Variants in MSH6 observed in about 807,000 individuals in gnomAD.
The protein encoded by MSH6 is DNA mismatch repair protein Msh6.
A neutral mutation model predicts 119.1 loss-of-function variants in MSH6; 85 were observed. The observed-to-expected ratio is 0.71, with a 90% CI of 0.60 to 0.85. The LOEUF (loss-of-function observed/expected upper bound fraction) is 0.85. Ranked by LOEUF, MSH6 falls within the 40% of genes least tolerant of loss-of-function variation. The pLI, the probability that MSH6 is intolerant of heterozygous loss-of-function variation, is 0.00. For missense variants in MSH6, 2,163 were observed against 1,655.3 expected (o/e 1.31, Z -5.32); for synonymous variants, 830 against 586.9 (o/e 1.41, Z -5.99).
intron 3 of MSH6, chr2:47,797,758 T>C (rs1669185620): frequency 5.8e-6 from 1 of 172,774 alleles, no homozygotes; most frequent in East Asian, 1.5e-4. Flanking sequence ...TTTGTGTTTT[T>C]GAACATAACC....
chr2:47,803,933 T>C (rs977766924), intron 5 of MSH6, among the ~76,000 whole-genome samples: 1 of 152,232 alleles, frequency 6.6e-6, no homozygotes, highest in Non-Finnish European at 1.5e-5. Context: ...TGAGGCCCTT[T>C]GACTTGAATT....
In MSH6 at chr2:47,806,268, G is replaced by A. The variant is rs754289472; in HGVS notation, c.3711G>A (p.Glu1237=). ...IANAVVKELA[E]TIKCRTLFST... ...ATGCAGTTGTTAAAGAACTTGCTGAGACTATAAAATGTCGTACATTATTTT... is the reference window on the plus strand; with the variant it reads ...ATGCAGTTGTTAAAGAACTTGCTGAAACTATAAAATGTCGTACATTATTTT... The change falls in exon 8 of 10, where the codon GAG becomes GAA. Residue 1237 remains glutamate (E), a synonymous_variant. Coordinates refer to ENST00000234420, the MANE Select transcript of MSH6 (RefSeq NM_000179.3). 11 of 1,613,948 alleles carry A rather than the reference G, an allele frequency of 6.8e-6. No individual in the cohort carries two copies. Among genetic ancestry groups the A allele is most frequent in the Non-Finnish European group, 9.3e-6 (11 of 1,179,960 alleles).
In MSH6 at chr2:47,788,736, A is replaced by G. The variant is rs1355776985; in HGVS notation, c.261-2191A>G. The stretch of plus-strand genomic sequence containing the variant: ...AGGCGCCTGCCACCATGCCCAGCTA[A>G]TTTTTGTATTTTTTTAGTAGAGATG... On this transcript the variant is annotated intron_variant, in intron 1 of 9. Transcript: ENST00000234420. 2.7e-5 allele frequency among the ~76,000 whole-genome samples: 4 copies of G among 145,536 alleles called. No individual in the cohort carries two copies. The East Asian group carries it at 8.2e-4, about 30-fold the overall frequency.
chr2:47,793,608 AAAATAAATAAAT>A (rs3136299), intron 2 of MSH6, among the ~76,000 whole-genome samples: 2 of 151,148 alleles, frequency 1.3e-5, no homozygotes, highest in African/African-American at 2.4e-5. Context: ...CTTCATCTCA[AAAATAAATAAAT>A]AAATAAATAA....
intron 4 of MSH6, among the ~76,000 whole-genome samples, chr2:47,801,610 C>A (rs1048827893): frequency 6.6e-6 from 1 of 152,086 alleles, no homozygotes; most frequent in African/African-American, 2.4e-5. Flanking sequence ...CTCAAGTGAT[C>A]CTCCTGCCTC....
intron 4 of MSH6, among the ~76,000 whole-genome samples, chr2:47,802,642 T>C (rs918120477): frequency 6.6e-6 from 1 of 151,572 alleles, no homozygotes; most frequent in East Asian, 1.9e-4. Context: ...CCTGTTTTTT[T>C]TTTTTTTTTT....
intron 4 of MSH6, among the ~76,000 whole-genome samples, chr2:47,802,624 C>T (rs189539141): frequency 1.0e-4 from 15 of 148,650 alleles, no homozygotes; most frequent in Middle Eastern, 3.5e-3. Context: ...TGAGCCACTG[C>T]GCCCAGCCCT....
chr2:47,807,273 TC>T, downstream of MSH6: 1 of 223,970 alleles, frequency 4.5e-6, no homozygotes. Context: ...GAAGAGACTT[TC>T]TAAAGTGTAC....
intron 5 of MSH6, 88 bp from the exon 6 acceptor site, chr2:47,804,822 G>C (rs2104501880): frequency 6.2e-6 from 6 of 967,222 alleles, no homozygotes; most frequent in Non-Finnish European, 1.0e-5. Flanking sequence ...AGAGTGCCTA[G>C]CTCTTACGTA....
Position 47,788,922 on chromosome 2 carries a change from G to GTTTTTTTTTTTTTTTTT in MSH6, c.261-1996_261-1980dup, listed in dbSNP as rs1558650240. 7.8e-4 allele frequency among the ~76,000 whole-genome samples: 32 copies of GTTTTTTTTTTTTTTTTT among 40,936 alleles called. 2 individuals are homozygous for GTTTTTTTTTTTTTTTTT. Among genetic ancestry groups the GTTTTTTTTTTTTTTTTT allele is most frequent in the East Asian group, 9.0e-4 (1 of 1,112 alleles). 26.9% of individuals were successfully genotyped at this position (40,936 alleles called of 152,430 possible). A position where few individuals can be genotyped will look rare whatever the true frequency, so the allele number is the denominator to read the frequency against. On this transcript the variant is annotated intron_variant, in intron 1 of 9. Coordinates refer to ENST00000234420, the MANE Select transcript of MSH6 (RefSeq NM_000179.3). ...TTTCTTCTTCCTTTTTTTTTTTTTT[G>GTTTTTTTTTTTTTTTTT]TTTTTTTTTTTTTTTTTTTTTTTTT...
In MSH6 at chr2:47,804,952, C is replaced by A. The variant is rs751190199; in HGVS notation, c.3481C>A (p.Pro1161Thr). ...AATGGCCCAGATGGGTTGTTACGTC[C>A]CTGCTGAAGTGTGCAGGCTCACACC... ...AVMAQMGCYV[P>T]AEVCRLTPID... Residue 1161 changes from proline to threonine, a missense_variant, in exon 6 of 10, where the codon CCT becomes ACT. Coordinates refer to ENST00000234420, the MANE Select transcript of MSH6 (RefSeq NM_000179.3). 6.2e-7 allele frequency: 1 copy of A among 1,614,120 alleles called. No individual in the cohort carries two copies. Among genetic ancestry groups the A allele is most frequent in the Admixed American group, 1.7e-5 (1 of 60,006 alleles).
chr2:47,804,531 C>T (rs770493951), intron 5 of MSH6, among the ~76,000 whole-genome samples: 4 of 74,294 alleles, frequency 5.4e-5, no homozygotes, highest in East Asian at 1.1e-3. Flanking sequence ...AATGTGACAA[C>T]GTGTAAAAAA....
chr2:47,798,835 T>C lies in MSH6; in HGVS notation c.852T>C (p.Asp284=), dbSNP rs1057520320. The stretch of plus-strand genomic sequence containing the variant: ...ATGAAATAAGCAGTGGAGTGGGGGA[T>C]AGTGAGAGTGAAGGCCTGAACAGCC... The part of the protein sequence containing the change: ...SSDEISSGVG[D]SESEGLNSPV... Residue 284 remains aspartate (D), a synonymous_variant, in exon 4 of 10, where the codon GAT becomes GAC. Transcript: ENST00000234420. 8.1e-6 allele frequency: 13 copies of C among 1,613,784 alleles called. No individual in the cohort carries two copies. The highest frequency in any genetic ancestry group is 2.7e-5 in the African/African-American group (2 of 74,822).
intron 1 of MSH6, chr2:47,783,817 C>G: frequency 1.6e-6 from 1 of 621,726 alleles, no homozygotes; most frequent in Non-Finnish European, 2.0e-6. Context: ...ACGCGCGCAG[C>G]TCCGGGTGGG....
chr2:47,790,493 T>C (rs577095056), intron 1 of MSH6, among the ~76,000 whole-genome samples: 1 of 152,364 alleles, frequency 6.6e-6, no homozygotes, highest in African/African-American at 2.4e-5. Flanking sequence ...TTAGATAATT[T>C]ACCTAATTAG....
Position 47,793,318 on chromosome 2 carries a change from C to CTCAAAAAAAAA in MSH6, c.457+2195_457+2196insTCAAAAAAAAA, listed in dbSNP as rs1441753856. On this transcript the variant is annotated intron_variant, in intron 2 of 9. Transcript: ENST00000234420. ...CCTGGGTGACAGAGCGAGACTGTCT[C>CTCAAAAAAAAA]AAAAAAAAAAAAAAAAAAAAAAAAA... 4.3e-3 allele frequency among the ~76,000 whole-genome samples: 210 copies of CTCAAAAAAAAA among 48,802 alleles called. 17 individuals carry two copies. The highest frequency in any genetic ancestry group is 5.0e-3 in the Admixed American group (14 of 2,796). 32.0% of individuals were successfully genotyped at this position (48,802 alleles called of 152,430 possible).
intron 1 of MSH6, chr2:47,784,726 G>C (rs1668243572): frequency 6.6e-6 from 1 of 152,294 alleles, no homozygotes; most frequent in Non-Finnish European, 1.5e-5. Context: ...GCCTCAAAGT[G>C]CTGGGATTAC....
chr2:47,801,215 AT>A (rs765202481), intron 4 of MSH6, 60 bp downstream of exon 4: 1 of 1,548,380 alleles, frequency 6.5e-7, no homozygotes. Flanking sequence ...TGCCAGCTGT[AT>A]ATTATCCCTA....
intron 2 of MSH6, 73 bp downstream of exon 2, chr2:47,791,196 C>T: frequency 2.8e-6 from 4 of 1,416,114 alleles, no homozygotes; most frequent in Non-Finnish European, 4.0e-6. Flanking sequence ...GACAGACAGG[C>T]AGACTTTTTT....
Sources: gnomAD v4.1 joint callset for allele counts (sites outside exome capture counted in the v4.1 genomes callset) on GRCh38, gnomAD v4.1.1 for gene constraint, MANE v1.5 for transcripts, NCBI Gene and HGNC (gene_info 2026-07-23, HGNC 2026-07-21) for gene names.